HTR1E: variants seen among roughly 807,000 people sequenced by gnomAD.
The protein encoded by HTR1E is 5-HT-1E.
A neutral mutation model predicts 3.4 loss-of-function variants in HTR1E; 3 were observed. The observed-to-expected ratio is 0.89, with a 90% CI of 0.41 to 2.31. The LOEUF is 2.31. HTR1E is among the 30% of genes most tolerant of loss of function. The pLI is 0.05. For missense variants in HTR1E, 392 were observed against 467.0 expected, an observed-to-expected ratio of 0.84 and a Z score of 1.48; for synonymous variants, 170 against 182.8, an observed-to-expected ratio of 0.93 and a Z score of 0.56.
At chr6:86,948,909 C>G (rs896499812) in intron 1 of HTR1E, among the ~76,000 whole-genome samples, 1 of 152,150 alleles carries the variant, frequency 6.6e-6, no homozygotes, top group Non-Finnish European at 1.5e-5. Context: ...GAGGATAAAA[C>G]TTTACATGGA....
chr6:86,948,314 G>A (rs564333288), intron 1 of HTR1E, among the ~76,000 whole-genome samples: 2 of 152,134 alleles, frequency 1.3e-5, no homozygotes, highest in Admixed American at 6.5e-5. Flanking sequence ...ATTGTTGTAT[G>A]GATATACTAT....
intron 1 of HTR1E, among the ~76,000 whole-genome samples, chr6:86,983,434 A>C (rs551031848): frequency 3.3e-5 from 5 of 152,212 alleles, no homozygotes; most frequent in Non-Finnish European, 5.9e-5. Context: ...AAAGATGTTG[A>C]GGAAAATGTG....
At position 86,953,225 on chromosome 6, in the gene HTR1E, G is replaced by A. The variant is rs147479198; in HGVS notation, c.-186+15402G>A. ...AGCTTAAGGAAAAAATATGTTGGGA[G>A]GAGTTTACTGGAAGGGTTCCAGGAT... is the stretch of plus-strand genomic sequence containing the variant. On this transcript the variant is annotated intron_variant, in intron 1 of 1. Coordinates refer to ENST00000305344, the MANE Select transcript of HTR1E (RefSeq NM_000865.3). Among the ~76,000 whole-genome samples the A allele has an allele frequency of 2.3e-4, 35 of 152,252 alleles. No individual in the cohort carries two copies. In the East Asian group the frequency reaches 6.8e-3, roughly 29 times the overall value.
intron 1 of HTR1E, among the ~76,000 whole-genome samples, chr6:86,995,927 T>C (rs570705594): frequency 4.0e-5 from 6 of 151,208 alleles, no homozygotes; most frequent in African/African-American, 1.2e-4. Context: ...CAAGAAGACA[T>C]AGCAATTCTA....
chr6:87,010,105 A>G (rs1384844857), intron 1 of HTR1E, among the ~76,000 whole-genome samples: 2 of 119,464 alleles, frequency 1.7e-5, no homozygotes, highest in South Asian at 3.0e-4. Context: ...GGCCGGGCTG[A>G]GGGGCTCCTC....
At chr6:86,990,397 T>C (rs1470908044) in intron 1 of HTR1E, among the ~76,000 whole-genome samples, 1 of 152,210 alleles carries the variant, frequency 6.6e-6, no homozygotes, top group African/African-American at 2.4e-5. Flanking sequence ...ACCTTATCTG[T>C]ATTTCACAAG....
intron 1 of HTR1E, among the ~76,000 whole-genome samples, chr6:87,005,812 G>T (rs1394114043): frequency 2.6e-4 from 40 of 152,080 alleles, no homozygotes; most frequent in Non-Finnish European, 3.5e-4. Flanking sequence ...CACAGAATGG[G>T]TGAAAATATT....
In HTR1E at chr6:86,937,705, A is replaced by C. The variant is rs1331153683; in HGVS notation, c.-304A>C. ...ACGTACTCCAGAATCGAATGTTGAG[A>C]GAAGCAGTGCTCTGATCCAGCTCAG... On this transcript the variant is annotated 5_prime_UTR_variant, in exon 1 of 2. Coordinates refer to ENST00000305344, the MANE Select transcript of HTR1E (RefSeq NM_000865.3). 1 of 152,772 alleles carries C rather than the reference A, an allele frequency of 6.5e-6. No individual in the cohort carries two copies. The highest frequency in any genetic ancestry group is 1.9e-4 in the East Asian group (1 of 5,196). 9.5% of individuals were successfully genotyped at this position (152,772 alleles called of 1,614,324 possible).
chr6:86,960,641 G>A (rs1203856626), intron 1 of HTR1E, among the ~76,000 whole-genome samples: 1 of 152,174 alleles, frequency 6.6e-6, no homozygotes, highest in Admixed American at 6.5e-5. Flanking sequence ...AGGAAAGTGA[G>A]GTTAAATGAA....
chr6:86,954,846 T>A (rs1218314942), intron 1 of HTR1E, among the ~76,000 whole-genome samples: 1 of 152,280 alleles, frequency 6.6e-6, no homozygotes, highest in South Asian at 2.1e-4. Context: ...TTAATGGAAG[T>A]CAAATTTGGT....
intron 1 of HTR1E, among the ~76,000 whole-genome samples, chr6:86,942,028 T>C (rs1208893107): frequency 1.3e-5 from 2 of 152,228 alleles, no homozygotes; most frequent in East Asian, 3.9e-4. Flanking sequence ...GAGAACCCAG[T>C]AAGGTGGCTA....
At chr6:87,010,421 A>G (rs1336625566) in intron 1 of HTR1E, among the ~76,000 whole-genome samples, 2 of 151,080 alleles carry the variant, frequency 1.3e-5, no homozygotes, top group Non-Finnish European at 3.0e-5. Context: ...GGGGCTCCTC[A>G]CTTCCCAGTA....
At chr6:87,009,734 A>T (rs1768173969) in intron 1 of HTR1E, among the ~76,000 whole-genome samples, 4 of 136,804 alleles carry the variant, frequency 2.9e-5, no homozygotes, top group African/African-American at 5.8e-5. Flanking sequence ...CTGGCCGGGC[A>T]GAGGGGCTCC....
chr6:87,008,624 G>A (rs1768154189), intron 1 of HTR1E, among the ~76,000 whole-genome samples: 1 of 152,206 alleles, frequency 6.6e-6, no homozygotes, highest in South Asian at 2.1e-4. Context: ...GGAAAGGTGA[G>A]TGTTGGCTCT....
chr6:86,966,107 A>C (rs1767468296), intron 1 of HTR1E, among the ~76,000 whole-genome samples: 1 of 152,188 alleles, frequency 6.6e-6, no homozygotes, highest in Non-Finnish European at 1.5e-5. Context: ...GGAGGGTGGT[A>C]TAAAATGAAA....
intron 1 of HTR1E, among the ~76,000 whole-genome samples, chr6:86,955,353 AAACG>A (rs1767305801): frequency 6.6e-6 from 1 of 151,292 alleles, no homozygotes; most frequent in Non-Finnish European, 1.5e-5. Context: ...AGCACCTTAA[AAACG>A]TTAGAATGCT....
chr6:87,002,640 A>C (rs923196593), intron 1 of HTR1E, among the ~76,000 whole-genome samples: 1 of 152,042 alleles, frequency 6.6e-6, no homozygotes, highest in Non-Finnish European at 1.5e-5. Flanking sequence ...CTTTAGCTAG[A>C]CACAGAGTGC....
chr6:86,991,815 T>C (rs1414893078), intron 1 of HTR1E, among the ~76,000 whole-genome samples: 1 of 152,214 alleles, frequency 6.6e-6, no homozygotes, highest in African/African-American at 2.4e-5. Context: ...ATAATGATTA[T>C]GTTTAATAGT....
In HTR1E at chr6:86,992,958, C is replaced by G. The variant is rs1483136193; in HGVS notation, c.-185-22192C>G. Among the ~76,000 whole-genome samples the G allele has an allele frequency of 3.9e-5, 6 of 152,286 alleles. No individual in the cohort carries two copies. In the East Asian group the frequency reaches 1.2e-3, roughly 29 times the overall value. On this transcript the variant is annotated intron_variant, in intron 1 of 1. Coordinates refer to ENST00000305344, the MANE Select transcript of HTR1E (RefSeq NM_000865.3). The stretch of plus-strand genomic sequence containing the variant: ...GTGTGGCTAAGAATATTCTATCCCA[C>G]TCGTCCATTCAGGGACCCAAAATAC...
Sources: allele counts gnomAD v4.1 joint callset (sites outside exome capture counted in the v4.1 genomes callset), GRCh38; gene constraint gnomAD v4.1.1; transcripts MANE v1.5; gene names NCBI Gene and HGNC (gene_info 2026-07-23, HGNC 2026-07-21).